The following FUZ variants were observed in gnomAD, a reference collection of about 807,000 sequenced individuals.
FUZ encodes protein fuzzy homolog.
A neutral mutation model predicts 43.1 loss-of-function variants in FUZ; 31 were observed. That is an observed-to-expected ratio of 0.72 (90% confidence interval 0.54 to 0.97). FUZ has a LOEUF of 0.97. Ranked by LOEUF, FUZ falls within the 50% of genes least tolerant of loss-of-function variation. FUZ has a pLI of 0.00. For missense variants in FUZ, 539 were observed against 543.8 expected (o/e 0.99, Z 0.09); for synonymous variants, 274 against 250.0 (o/e 1.10, Z -0.91).
rs527949286 is a variant in FUZ at position 49,809,203 on chromosome 19, A to C, written c.746T>G (p.Leu249Arg). 11 of 1,551,502 alleles carry C rather than the reference A, an allele frequency of 7.1e-6. No homozygotes were observed. In the South Asian group the frequency reaches 1.3e-4, roughly 18 times the overall value. Residue 249 changes from leucine to arginine, a missense_variant, in exon 7 of 11, where the codon CTC becomes CGC. Physicochemically the swap from Leu to Arg is moderately radical, Grantham distance 102. Transcript: ENST00000313777. This position sits in a 1 kb window ranked among gnomAD's most constrained non-coding sequence, Gnocchi z 5.1. ...TLLPSLELCL[L>R]CGPSPPLSQL... ...GCTGAGGGGTGGGCTCGGCCCGCAGAGTAGACACAGCTCCAGGCTCGGCAG... is the reference window on the plus strand; with the variant it reads ...GCTGAGGGGTGGGCTCGGCCCGCAGCGTAGACACAGCTCCAGGCTCGGCAG...
chr19:49,807,530 G>C (rs999986606), intron 10 of FUZ, among the ~76,000 whole-genome samples, 156 bp from the exon 11 acceptor site: 3 of 152,158 alleles, frequency 2.0e-5, no homozygotes, highest in African/African-American at 7.2e-5. Flanking sequence ...CTAGCTGGCT[G>C]TCAGCAACTT....
At chr19:49,812,038 G>A (rs1353723359) in intron 3 of FUZ, among the ~76,000 whole-genome samples, 1 of 152,200 alleles carries the variant, frequency 6.6e-6, no homozygotes, top group Non-Finnish European at 1.5e-5. Flanking sequence ...AACCTGGGAG[G>A]CAGAGGTTGC....
chr19:49,809,210 A>T lies in FUZ; in HGVS notation c.739T>A (p.Cys247Ser). Residue 247 changes from cysteine (C) to serine (S), a missense_variant, in exon 7 of 11, where the codon TGT (cysteine) becomes AGT (serine). Transcript: ENST00000313777. This position sits in a 1 kb window ranked among gnomAD's most constrained non-coding sequence, Gnocchi z 5.1. ...TLTLLPSLEL[C>S]LLCGPSPPLS... Reference sequence around the variant, plus strand: ...GGTGGGCTCGGCCCGCAGAGTAGACACAGCTCCAGGCTCGGCAGCAGAGTC... The same window carrying T: ...GGTGGGCTCGGCCCGCAGAGTAGACTCAGCTCCAGGCTCGGCAGCAGAGTC... The T allele has an allele frequency of 6.4e-7, 1 of 1,551,370 alleles. No individual in the cohort carries two copies.
Position 49,813,227 on chromosome 19 carries a change from T to A in FUZ, c.-121A>T. On this transcript the variant is annotated 5_prime_UTR_variant, in exon 1 of 11. Coordinates refer to ENST00000313777, the MANE Select transcript of FUZ (RefSeq NM_025129.5). Reference sequence around the variant, plus strand: ...GCCAGAGGGCGAGATGGGGAGCTGATTGGAAGAGGATTAACTTCCCGCCTT... The same window carrying A: ...GCCAGAGGGCGAGATGGGGAGCTGAATGGAAGAGGATTAACTTCCCGCCTT... 1.1e-6 allele frequency: 1 copy of A among 895,366 alleles called. No individual in the cohort carries two copies. The highest frequency in any genetic ancestry group is 1.8e-6 in the Non-Finnish European group (1 of 552,598). The allele number at this position is 895,366 out of a possible 1,614,324, so 55.5% of individuals were successfully genotyped here. A position where few individuals can be genotyped will look rare whatever the true frequency, so the allele number is the denominator to read the frequency against.
Position 49,813,188 on chromosome 19 carries a change from T to G in FUZ, c.-82A>C, listed in dbSNP as rs1415478447. 7.7e-7 allele frequency: 1 copy of G among 1,294,418 alleles called. No individual in the cohort carries two copies. The allele number at this position is 1,294,418 out of a possible 1,614,324, so 80.2% of individuals were successfully genotyped here. ...TGGCGGTAATCAGAGTAACTCGGCC[T>G]GTGGTCCGGAGCCGCCAGAGGGCGA... On this transcript the variant is annotated 5_prime_UTR_variant, in exon 1 of 11. Coordinates refer to ENST00000313777, the MANE Select transcript of FUZ (RefSeq NM_025129.5).
Position 49,810,456 on chromosome 19 carries a change from C to T in FUZ, c.493-881G>A, listed in dbSNP as rs576356069. Among the ~76,000 whole-genome samples, 48 of 151,802 alleles carry T rather than the reference C, an allele frequency of 3.2e-4. 1 individual carries two copies. The South Asian group carries it at 3.7e-3, about 12-fold the overall frequency. On this transcript the variant is annotated intron_variant, in intron 5 of 10. Transcript: ENST00000313777. ...TTGGGAGGCTGAGGCGGGTGGATCA[C>T]GAGGTCAGGCGTTCAAGACCAGCCT...
At chr19:49,808,531 C>T (rs1456725215) in intron 9 of FUZ, 43 bp from the exon 10 acceptor site, 1 of 1,594,862 alleles carries the variant, frequency 6.3e-7, no homozygotes, top group Non-Finnish European at 8.5e-7. Context: ...CCTCCCCGGC[C>T]CACGCCCCTC....
chr19:49,809,890 A>C lies in FUZ; in HGVS notation c.493-315T>G. On this transcript the variant is annotated intron_variant, in intron 5 of 10. Transcript: ENST00000313777. This position sits in a 1 kb window ranked among gnomAD's most constrained non-coding sequence, Gnocchi z 5.1. ...TACATGCCGAGTAGGCACCATTAGCAACGTAGAGAAGCCAAGTCACCTGCT... is the reference window on the plus strand; with the variant it reads ...TACATGCCGAGTAGGCACCATTAGCCACGTAGAGAAGCCAAGTCACCTGCT... 2.2e-6 allele frequency: 1 copy of C among 464,814 alleles called. No individual in the cohort carries two copies. 28.8% of individuals were successfully genotyped at this position (464,814 alleles called of 1,614,324 possible). A position where few individuals can be genotyped will look rare whatever the true frequency, so the allele number is the denominator to read the frequency against.
At chr19:49,808,248 T>C in intron 10 of FUZ, 166 bp downstream of exon 10, 1 of 754,504 alleles carries the variant, frequency 1.3e-6, no homozygotes, top group South Asian at 1.5e-5. Context: ...TTCCCCTCCC[T>C]TCCCATCTGC....
In FUZ at chr19:49,806,991, GGA is replaced by G. The variant is rs2073412963; in HGVS notation, c.*158_*159del. The G allele has an allele frequency of 1.3e-6, 2 of 1,528,676 alleles. No individual in the cohort carries two copies. The highest frequency in any genetic ancestry group is 2.7e-5 in the African/African-American group (2 of 72,750). 94.7% of individuals were successfully genotyped at this position (1,528,676 alleles called of 1,614,324 possible). On this transcript the variant is annotated 3_prime_UTR_variant, in exon 11 of 11. Transcript: ENST00000313777. The stretch of plus-strand genomic sequence containing the variant: ...TCCCTTTCCCCCCCAAGCACAGAGG[GGA>G]GAGGGGCCAGGGAAGTGGATGTCTC...
Position 49,812,642 on chromosome 19 carries a change from G to T in FUZ, c.206C>A (p.Thr69Asn). The stretch of plus-strand genomic sequence containing the variant: ...GTCATGGAAGCTTTTCCACACCACA[G>T]TCGTGTTCTCGGTCCTCGCAGAGCT... ...QLSSARTENT[T>N]VVWKSFHDSI... Residue 69 changes from threonine to asparagine, a missense_variant, in exon 2 of 11, where the codon ACT becomes AAT. Transcript: ENST00000313777. 6.2e-7 allele frequency: 1 copy of T among 1,614,138 alleles called. No homozygotes were observed. Among genetic ancestry groups the T allele is most frequent in the South Asian group, 1.1e-5 (1 of 91,090 alleles).
rs138966096 is a variant in FUZ at position 49,809,140 on chromosome 19, A to AG, written c.786+22dup. On this transcript the variant is annotated intron_variant, in intron 7 of 10. Coordinates refer to ENST00000313777, the MANE Select transcript of FUZ (RefSeq NM_025129.5). This position sits in a 1 kb window ranked among gnomAD's most constrained non-coding sequence, Gnocchi z 5.1. ...TGGTAGCGGGTGTCCTAAGAGCGAA[A>AG]GCGGGACGTGGCGCGGGTTCACCTG... 0.012 allele frequency: 18,505 copies of AG among 1,549,562 alleles called. 674 individuals carry two copies. Among genetic ancestry groups the AG allele is most frequent in the East Asian group, 0.11 (4,629 of 40,926 alleles).
In FUZ at chr19:49,813,031, T is replaced by C; in HGVS notation, c.76A>G (p.Arg26Gly). 6.4e-7 allele frequency: 1 copy of C among 1,551,268 alleles called. No homozygotes were observed. ...GCGGGGGCGCCGCCGCGACTGCTCC[T>C]GCAGAATAGGGGGACCCCGCTGGAG... is the stretch of plus-strand genomic sequence containing the variant. ...AASSGVPLFC[R>G]SSRGGAPARQ... The change falls in exon 1 of 11, where the codon AGG (arginine) becomes GGG (glycine). Residue 26 changes from arginine to glycine, a missense_variant. By Grantham distance (125) the Arg-to-Gly change is moderately radical. Transcript: ENST00000313777.
rs746488223 is a variant in FUZ at position 49,807,067 on chromosome 19, C to G, written c.*84G>C. 1.4e-6 allele frequency: 2 copies of G among 1,382,530 alleles called. No homozygotes were observed. The highest frequency in any genetic ancestry group is 9.7e-7 in the Non-Finnish European group (1 of 1,032,864). 85.6% of individuals were successfully genotyped at this position (1,382,530 alleles called of 1,614,324 possible). ...GTAGCCCCTCCTACCCCCTCCCCATCCAGGGGCTGTGTATTATTGTGAGCG... is the reference window on the plus strand; with the variant it reads ...GTAGCCCCTCCTACCCCCTCCCCATGCAGGGGCTGTGTATTATTGTGAGCG... On this transcript the variant is annotated 3_prime_UTR_variant, in exon 11 of 11. Coordinates refer to ENST00000313777, the MANE Select transcript of FUZ (RefSeq NM_025129.5).
chr19:49,808,537 C>T (rs773847654), intron 9 of FUZ, 37 bp downstream of exon 9: 9 of 1,560,260 alleles, frequency 5.8e-6, no homozygotes, highest in South Asian at 1.1e-5. Flanking sequence ...CGGCCCACGC[C>T]CCTCCTACCC....
In FUZ at chr19:49,808,639, C is replaced by T. The variant is rs1437540090; in HGVS notation, c.894-1G>A. 1.9e-6 allele frequency: 3 copies of T among 1,613,310 alleles called. No homozygotes were observed. Among genetic ancestry groups the T allele is most frequent in the Admixed American group, 1.7e-5 (1 of 59,932 alleles). On this transcript the variant is annotated splice_acceptor_variant, in intron 8 of 10. Transcript: ENST00000313777. LOFTEE classifies it high-confidence loss of function. ...CAGTTCCAGGTGGAGGAGCAGCAGC[C>T]TGTGGGAAAGGGAAGGGAATGTCAT...
At position 49,808,418 on chromosome 19, in the gene FUZ, T is replaced by C; in HGVS notation, c.1029A>G (p.Pro343=). 6.2e-7 allele frequency: 1 copy of C among 1,611,840 alleles called. No homozygotes were observed. The highest frequency in any genetic ancestry group is 1.1e-5 in the South Asian group (1 of 90,716). ...FYTLVTSTHF[P]PEPGPPEKTE... ...AGCACTGTGCCTTCCGCTGACCTGGTGGGAAGTGCGTGGAGGTGACCAGGG... is the reference window on the plus strand; with the variant it reads ...AGCACTGTGCCTTCCGCTGACCTGGCGGGAAGTGCGTGGAGGTGACCAGGG... The change falls in exon 10 of 11, where the codon CCA becomes CCG. Residue 343 remains proline (P), a synonymous_variant. Transcript: ENST00000313777.
At position 49,812,278 on chromosome 19, in the gene FUZ, T is replaced by G. The variant is rs757677956; in HGVS notation, c.291A>C (p.Arg97Ser). 3.7e-6 allele frequency: 6 copies of G among 1,613,826 alleles called. No individual in the cohort carries two copies. Among genetic ancestry groups the G allele is most frequent in the Admixed American group, 1.7e-5 (1 of 59,984 alleles). The change falls in exon 3 of 11, where the codon AGA becomes AGC. Residue 97 changes from arginine to serine, a missense_variant. Arg to Ser is a moderately radical substitution (Grantham distance 110, BLOSUM62 -1). Coordinates refer to ENST00000313777, the MANE Select transcript of FUZ (RefSeq NM_025129.5). ...TGGCTCCAAACACCATTTGGAGTAG[T>G]CTCTCCAGCCTCAGCTCAGAGATGC... ...EVGISELRLE[R>S]LLQMVFGAMV...
At chr19:49,812,849 C>T in intron 1 of FUZ, 113 bp from the exon 2 acceptor site, 15 of 1,457,468 alleles carry the variant, frequency 1.0e-5, no homozygotes, top group Non-Finnish European at 1.3e-5. Context: ...CTGGCAGTGC[C>T]TCTTTGGGGA....
Sources: gnomAD v4.1 joint callset for allele counts (sites outside exome capture counted in the v4.1 genomes callset) on GRCh38, gnomAD v4.1.1 for gene constraint, Gnocchi (gnomAD v3.1) non-coding constraint, MANE v1.5 for transcripts, NCBI Gene and HGNC (gene_info 2026-07-23, HGNC 2026-07-21) for gene names.